Variants in BCAS3 observed in about 807,000 individuals in gnomAD.
BCAS3 encodes the protein BCAS4/BCAS3 fusion.
BCAS3 carries 53 observed loss-of-function variants against 116.1 expected under a neutral mutation model. The ratio of observed to expected loss-of-function variants is 0.46; its 90% confidence interval spans 0.37 to 0.57. The LOEUF is 0.57. Ranked by LOEUF, BCAS3 falls within the 20% of genes least tolerant of loss-of-function variation. The pLI, the probability that BCAS3 is intolerant of heterozygous loss-of-function variation, is 0.00. For synonymous variants in BCAS3, 391 were observed against 408.2 expected (o/e 0.96, Z 0.51); for missense variants, 917 against 1,165.4 (o/e 0.79, Z 3.10).
At chr17:60,972,807 G>T (rs989268931) in intron 14 of BCAS3, among the ~76,000 whole-genome samples, 5 of 152,128 alleles carry the variant, frequency 3.3e-5, no homozygotes, top group African/African-American at 1.2e-4. Context: ...GAAGTACATG[G>T]CTGGGAATGT....
At chr17:60,908,673 A>G (rs2058320666) in intron 11 of BCAS3, among the ~76,000 whole-genome samples, 1 of 152,198 alleles carries the variant, frequency 6.6e-6, no homozygotes, top group African/African-American at 2.4e-5. Context: ...TAATTGAGGA[A>G]CGTTGATGTG....
At position 60,947,358 on chromosome 17, in the gene BCAS3, C is replaced by A; in HGVS notation, c.1221+6C>A. ...GGGGAGAAACTGAAGCCAAAGTAAGCTGTATAATTTTTCAGAAGGCGATTT... is the reference window on the plus strand; with the variant it reads ...GGGGAGAAACTGAAGCCAAAGTAAGATGTATAATTTTTCAGAAGGCGATTT... On this transcript the variant is annotated splice_donor_region_variant and intron_variant, in intron 14 of 23. Coordinates refer to ENST00000407086, the MANE Select transcript of BCAS3 (RefSeq NM_017679.5). The A allele has an allele frequency of 6.2e-7, 1 of 1,611,496 alleles. No individual in the cohort carries two copies.
chr17:60,907,850 A>G (rs1410175880), intron 11 of BCAS3, among the ~76,000 whole-genome samples: 2 of 152,198 alleles, frequency 1.3e-5, no homozygotes, highest in Non-Finnish European at 2.9e-5. Context: ...AATTAATTGG[A>G]GAGACAAATT....
At chr17:61,137,752 G>T (rs2076720046) in intron 22 of BCAS3, among the ~76,000 whole-genome samples, 1 of 152,218 alleles carries the variant, frequency 6.6e-6, no homozygotes. Flanking sequence ...GGGTGACAGA[G>T]CAAGACTCCA....
chr17:61,318,293 G>A (rs2054913129), intron 22 of BCAS3, among the ~76,000 whole-genome samples: 1 of 152,242 alleles, frequency 6.6e-6, no homozygotes, highest in South Asian at 2.1e-4. Context: ...AGGAATAGAA[G>A]TTCCAAAATT....
chr17:60,731,364 C>T (rs2040435321), intron 5 of BCAS3, among the ~76,000 whole-genome samples: 1 of 152,130 alleles, frequency 6.6e-6, no homozygotes, highest in Non-Finnish European at 1.5e-5. Context: ...AGGCGTGCGC[C>T]ATTACGCCCA....
intron 22 of BCAS3, among the ~76,000 whole-genome samples, chr17:61,234,113 A>G (rs1315751191): frequency 6.6e-6 from 1 of 152,198 alleles, no homozygotes; most frequent in African/African-American, 2.4e-5. Flanking sequence ...TAGCACTATT[A>G]GAAGTTACAG....
intron 11 of BCAS3, among the ~76,000 whole-genome samples, chr17:60,903,977 A>G (rs1432944118): frequency 6.6e-6 from 1 of 152,174 alleles, no homozygotes; most frequent in Admixed American, 6.5e-5. Context: ...ATTTTTAGTT[A>G]TGGAATGGAG....
chr17:60,787,590 G>A (rs1054520063), intron 6 of BCAS3, among the ~76,000 whole-genome samples: 1 of 152,128 alleles, frequency 6.6e-6, no homozygotes, highest in African/African-American at 2.4e-5. Context: ...AGTATATAAT[G>A]TGCACAATAT....
intron 22 of BCAS3, among the ~76,000 whole-genome samples, chr17:61,230,959 CTT>C (rs763299746): frequency 0.017 from 2,096 of 121,776 alleles, 33 homozygotes; most frequent in African/African-American, 0.057. Flanking sequence ...TAGTTTTTGC[CTT>C]TTTTTTTTTT....
chr17:61,197,731 T>C (rs920185031), intron 22 of BCAS3, among the ~76,000 whole-genome samples: 4 of 152,202 alleles, frequency 2.6e-5, no homozygotes, highest in African/African-American at 9.7e-5. Context: ...GCCAAGCCAG[T>C]CTGGATAAAG....
chr17:61,169,708 CAGT>C (rs765474953), intron 22 of BCAS3, among the ~76,000 whole-genome samples: 1 of 152,112 alleles, frequency 6.6e-6, no homozygotes. Flanking sequence ...GATTTTCAGA[CAGT>C]GGTGGTGGTG....
At chr17:61,182,870 C>G (rs1240582373) in intron 22 of BCAS3, among the ~76,000 whole-genome samples, 2 of 152,160 alleles carry the variant, frequency 1.3e-5, no homozygotes, top group East Asian at 3.8e-4. Flanking sequence ...GGCCGTGGGC[C>G]CCTTTTCACT....
chr17:61,378,307 G>C lies in BCAS3; in HGVS notation c.2593+9813G>C, dbSNP rs767927893. On this transcript the variant is annotated intron_variant, in intron 23 of 23. Transcript: ENST00000407086. This position sits in a 1 kb window ranked among gnomAD's most constrained non-coding sequence, Gnocchi z 5.8. The stretch of plus-strand genomic sequence containing the variant: ...CGCTGCCCTCCCATCCTGCCCAGTC[G>C]TCGTCTTAGGCCAAGCTCAAATCTC... 4 of 152,116 alleles carry C rather than the reference G, an allele frequency of 2.6e-5. No individual in the cohort carries two copies. Among genetic ancestry groups the C allele is most frequent in the Non-Finnish European group, 5.9e-5 (4 of 68,078 alleles). The allele number at this position is 152,116 out of a possible 1,614,324, so 9.4% of individuals were successfully genotyped here.
Position 60,990,177 on chromosome 17 carries a change from A to G in BCAS3, c.1428A>G (p.Gly476=), listed in dbSNP as rs1377986678. 3 of 1,614,170 alleles carry G rather than the reference A, an allele frequency of 1.9e-6. No individual in the cohort carries two copies. In the South Asian group the frequency reaches 3.3e-5, roughly 18 times the overall value. ...EIEQELTSKQ[G]GRCSPVPGLS... is the part of the protein sequence containing the mutation. ...AACAAGAACTGACGTCTAAGCAAGG[A>G]GGTCGCTGTAGCCCTGTTCCAGGTC... is the stretch of plus-strand genomic sequence containing the variant. The change falls in exon 15 of 24, where the codon GGA becomes GGG. Residue 476 remains glycine, a synonymous_variant. Transcript: ENST00000407086. This position sits in a 1 kb window ranked among gnomAD's most constrained non-coding sequence, Gnocchi z 5.1.
Position 61,235,205 on chromosome 17 carries a change from C to G in BCAS3, c.2426-133122C>G, listed in dbSNP as rs1156955110. Among the ~76,000 whole-genome samples the G allele has an allele frequency of 6.6e-6, 1 of 152,126 alleles. No individual in the cohort carries two copies. The highest frequency in any genetic ancestry group is 1.9e-4 in the East Asian group (1 of 5,166). On this transcript the variant is annotated intron_variant, in intron 22 of 23. Transcript: ENST00000407086. The surrounding 1 kb of genome is among the most constrained non-coding windows in gnomAD (Gnocchi z 5.0). ...CCTGGCTGTCTGCCCCCCGCCTGTC[C>G]TAAGCACTTTAAATGTGTCAACTCA...
chr17:61,115,681 G>T (rs2075386098), intron 22 of BCAS3, among the ~76,000 whole-genome samples: 1 of 140,044 alleles, frequency 7.1e-6, no homozygotes, highest in Non-Finnish European at 1.6e-5. Context: ...AAGTCAGTGT[G>T]GCGATTCCTC....
chr17:61,280,697 C>T (rs2051162382), intron 22 of BCAS3, among the ~76,000 whole-genome samples: 1 of 152,124 alleles, frequency 6.6e-6, no homozygotes, highest in African/African-American at 2.4e-5. Flanking sequence ...AAAAGATTGG[C>T]ATTGTTGTGT....
chr17:61,374,810 C>T (rs1312350703), intron 23 of BCAS3, among the ~76,000 whole-genome samples: 5 of 152,186 alleles, frequency 3.3e-5, no homozygotes, highest in Non-Finnish European at 7.3e-5. Context: ...TCCTTTTCTT[C>T]TATTATTCTA....
Sources: allele counts gnomAD v4.1 joint callset (sites outside exome capture counted in the v4.1 genomes callset), GRCh38; gene constraint gnomAD v4.1.1; non-coding constraint Gnocchi (gnomAD v3.1); transcripts MANE v1.5; gene names NCBI Gene and HGNC (gene_info 2026-07-23, HGNC 2026-07-21).